METAP1D: variants seen among roughly 807,000 people sequenced by gnomAD.
METAP1D encodes methionine aminopeptidase 1D, mitochondrial.
Under a neutral mutation model 40.5 loss-of-function variants are expected in METAP1D, and 31 were observed. That is an observed-to-expected ratio of 0.77 (90% CI 0.58 to 1.03). The LOEUF is 1.03. Ranked by LOEUF, METAP1D falls within the 50% of genes least tolerant of loss-of-function variation. The pLI is 0.00. For missense variants in METAP1D, 411 were observed against 420.7 expected, an observed-to-expected ratio of 0.98 and a Z score of 0.20; for synonymous variants, 151 against 146.4, an observed-to-expected ratio of 1.03 and a Z score of -0.22.
chr2:172,058,904 G>T (rs1574132983), intron 1 of METAP1D, among the ~76,000 whole-genome samples: 1 of 152,128 alleles, frequency 6.6e-6, no homozygotes, highest in South Asian at 2.1e-4. Context: ...CCAGAGTTTT[G>T]AAGCCAGTAC....
intron 6 of METAP1D, among the ~76,000 whole-genome samples, chr2:172,072,025 G>C (rs1180378794): frequency 6.6e-6 from 1 of 152,122 alleles, no homozygotes; most frequent in African/African-American, 2.4e-5. Context: ...ATCTCTTTGG[G>C]TTATATCTGA....
chr2:172,031,034 AAAGACATT>A (rs1689231439), intron 1 of METAP1D, among the ~76,000 whole-genome samples: 1 of 152,240 alleles, frequency 6.6e-6, no homozygotes, highest in African/African-American at 2.4e-5. Context: ...TTGGGAGACT[AAAGACATT>A]TATAGTATTT....
At chr2:172,011,426 A>C (rs1381972930) in intron 1 of METAP1D, among the ~76,000 whole-genome samples, 2 of 151,822 alleles carry the variant, frequency 1.3e-5, no homozygotes, top group African/African-American at 4.8e-5. Context: ...CTGGGACTAC[A>C]GGCGCCCGCC....
chr2:172,064,037 TTTA>T (rs1198204909), intron 3 of METAP1D, 177 bp downstream of exon 3: 2 of 702,068 alleles, frequency 2.8e-6, no homozygotes, highest in Non-Finnish European at 4.1e-6. Context: ...GAAAAGGAAT[TTTA>T]TTATTTTATG....
chr2:172,002,154 T>A (rs984165926), intron 1 of METAP1D, among the ~76,000 whole-genome samples: 5 of 151,866 alleles, frequency 3.3e-5, no homozygotes, highest in African/African-American at 1.2e-4. Context: ...CATTTTTGTA[T>A]GCTTCAGGTA....
At chr2:172,050,918 G>A (rs1360550827) in intron 1 of METAP1D, among the ~76,000 whole-genome samples, 3 of 152,076 alleles carry the variant, frequency 2.0e-5, no homozygotes, top group African/African-American at 4.8e-5. Context: ...TATTTCCTCT[G>A]TAAGGATACA....
chr2:172,077,810 C>T lies in METAP1D; in HGVS notation c.718C>T (p.Gln240Ter). The change falls in exon 7 of 10, where the codon CAG becomes TAG. Residue 240 changes from glutamine (Q) to a stop codon, truncating the protein, a stop_gained. Coordinates refer to ENST00000315796, the MANE Select transcript of METAP1D (RefSeq NM_199227.3). LOFTEE classifies it high-confidence loss of function. ...TCACTTTTAAAGCCACATAACTCAT[C>T]AGAATGGTTTTCAAGTCTGTCCACA... ...IGNTISHITH[Q>*]NGFQVCPHFV... 1.2e-6 allele frequency: 2 copies of T among 1,602,544 alleles called. No individual in the cohort carries two copies. Among genetic ancestry groups the T allele is most frequent in the Non-Finnish European group, 1.7e-6 (2 of 1,171,552 alleles).
In METAP1D at chr2:172,016,628, C is replaced by A. The variant is rs114450149; in HGVS notation, c.40+16619C>A. ...AGAGCCAGACCTTGCCCCCACCCCC[C>A]CAAAAAAGAAAGAAAGAAAGAAAAA... On this transcript the variant is annotated intron_variant, in intron 1 of 9. Coordinates refer to ENST00000315796, the MANE Select transcript of METAP1D (RefSeq NM_199227.3). Among the ~76,000 whole-genome samples the A allele has an allele frequency of 6.2e-3, 937 of 150,616 alleles. 7 individuals are homozygous for A. Among genetic ancestry groups the A allele is most frequent in the African/African-American group, 0.022 (883 of 40,974 alleles).
At chr2:172,051,777 C>T (rs1689889643) in intron 1 of METAP1D, among the ~76,000 whole-genome samples, 1 of 152,126 alleles carries the variant, frequency 6.6e-6, no homozygotes, top group Non-Finnish European at 1.5e-5. Flanking sequence ...AGACCAGTAT[C>T]CATCTCAACT....
At chr2:172,018,356 G>T (rs757551769) in intron 1 of METAP1D, among the ~76,000 whole-genome samples, 2 of 152,052 alleles carry the variant, frequency 1.3e-5, no homozygotes, top group Non-Finnish European at 2.9e-5. Flanking sequence ...AAGACCAGAA[G>T]CTGAAAAGCA....
intron 1 of METAP1D, among the ~76,000 whole-genome samples, chr2:172,058,517 A>G (rs549631868): frequency 2.5e-4 from 38 of 150,846 alleles, no homozygotes; most frequent in Admixed American, 4.0e-4. Context: ...TAAAAGCTTT[A>G]CACAATACAT....
chr2:172,018,494 T>C (rs1326684075), intron 1 of METAP1D, among the ~76,000 whole-genome samples: 1 of 152,142 alleles, frequency 6.6e-6, no homozygotes, highest in Non-Finnish European at 1.5e-5. Context: ...GAAGTGGAAC[T>C]AAAACGAAGA....
At chr2:172,075,007 A>T (rs1007995071) in intron 6 of METAP1D, among the ~76,000 whole-genome samples, 3 of 152,244 alleles carry the variant, frequency 2.0e-5, no homozygotes, top group African/African-American at 7.2e-5. Context: ...TACCTAGGTG[A>T]CATTTAAATT....
rs749265209 is a variant in METAP1D, at chr2:172,077,777, T to A, written c.705-20T>A. ...AAAACTTATCTAATTTAATTAAATA[T>A]TTTTTGGTCACTTTTAAAGCCACAT... On this transcript the variant is annotated intron_variant, in intron 6 of 9. Transcript: ENST00000315796. 1.9e-5 allele frequency: 24 copies of A among 1,295,206 alleles called. No individual in the cohort carries two copies. In the East Asian group the frequency reaches 4.8e-4, roughly 26 times the overall value. 80.2% of individuals were successfully genotyped at this position (1,295,206 alleles called of 1,614,324 possible).
chr2:172,001,546 A>AT (rs201657404), intron 1 of METAP1D, among the ~76,000 whole-genome samples: 3,390 of 152,214 alleles, frequency 0.022, 56 homozygotes, highest in Middle Eastern at 0.037. Flanking sequence ...TCAGAAAAAA[A>AT]AAATAAATAA....
Position 172,041,395 on chromosome 2 carries a change from G to T in METAP1D, c.41-20103G>T, listed in dbSNP as rs527326543. Among the ~76,000 whole-genome samples, 123 of 126,660 alleles carry T rather than the reference G, an allele frequency of 9.7e-4. 15 individuals are homozygous for T. Among genetic ancestry groups the T allele is most frequent in the African/African-American group, 3.2e-3 (122 of 38,220 alleles). The allele number at this position is 126,660 out of a possible 152,430, so 83.1% of individuals were successfully genotyped here. On this transcript the variant is annotated intron_variant, in intron 1 of 9. Transcript: ENST00000315796. ...AATCGCTTGAATCCAGGAGGCGGAG[G>T]TTTCAGTGAGCCGATATCGTGCCAC...
rs1488200833 is a variant in METAP1D, at chr2:172,041,661, A to G, written c.41-19837A>G. Among the ~76,000 whole-genome samples, 4 of 113,924 alleles carry G rather than the reference A, an allele frequency of 3.5e-5. No homozygotes were observed. In the East Asian group the frequency reaches 8.2e-4, roughly 23 times the overall value. 74.7% of individuals were successfully genotyped at this position (113,924 alleles called of 152,430 possible). ...CATAATTCAAAACCAAACAAAACTAAGCTTTAAATAAGTAAATACAGAATA... is the reference window on the plus strand; with the variant it reads ...CATAATTCAAAACCAAACAAAACTAGGCTTTAAATAAGTAAATACAGAATA... On this transcript the variant is annotated intron_variant, in intron 1 of 9. Transcript: ENST00000315796.
chr2:172,000,873 T>C (rs1463057126), intron 1 of METAP1D, among the ~76,000 whole-genome samples: 1 of 152,100 alleles, frequency 6.6e-6, no homozygotes, highest in Non-Finnish European at 1.5e-5. Context: ...TGGTGACACA[T>C]GCCTGTAGTC....
chr2:172,031,127 C>A (rs1392771072), intron 1 of METAP1D, among the ~76,000 whole-genome samples: 1 of 152,118 alleles, frequency 6.6e-6, no homozygotes, highest in Admixed American at 6.6e-5. Flanking sequence ...TTGGAAAGGT[C>A]CACTGGCCCT....
Sources: allele counts gnomAD v4.1 joint callset (sites outside exome capture counted in the v4.1 genomes callset), GRCh38; gene constraint gnomAD v4.1.1; transcripts MANE v1.5; gene names NCBI Gene and HGNC (gene_info 2026-07-23, HGNC 2026-07-21).